Variants in ZFHX4 observed in about 807,000 individuals in gnomAD.
ZFHX4 encodes zinc finger homeobox protein 4.
In ZFHX4, 56 loss-of-function variants were observed where a neutral mutation model predicts 267.6. The observed-to-expected ratio is 0.21, with a 90% CI of 0.17 to 0.26. The LOEUF is 0.26. Among genes scored for constraint, ZFHX4 ranks in the 10% least tolerant of loss-of-function variants. The probability of loss-of-function intolerance (pLI) is 1.00; values close to 1 mark genes in which losing one functional copy is unlikely to be tolerated. For missense variants in ZFHX4, 4,332 were observed against 4,420.0 expected (o/e 0.98, Z 0.56); for synonymous variants, 1,778 against 1,665.6 (o/e 1.07, Z -1.64).
intron 3 of ZFHX4, among the ~76,000 whole-genome samples, chr8:76,709,050 T>C (rs1808353572): frequency 6.6e-6 from 1 of 152,212 alleles, no homozygotes; most frequent in Non-Finnish European, 1.5e-5. Context: ...TTAACTATAC[T>C]ATCAGGAGTC....
At chr8:76,785,089 G>GT in intron 4 of ZFHX4, among the ~76,000 whole-genome samples, 1 of 152,138 alleles carries the variant, frequency 6.6e-6, no homozygotes, top group South Asian at 2.1e-4. Context: ...GACTAAAAGA[G>GT]TTTTTAATCA....
chr8:76,786,803 C>T (rs1041240397), intron 4 of ZFHX4, among the ~76,000 whole-genome samples: 1 of 152,078 alleles, frequency 6.6e-6, no homozygotes, highest in African/African-American at 2.4e-5. Context: ...AACCAGAAGC[C>T]CCTTGGCAAG....
intron 3 of ZFHX4, among the ~76,000 whole-genome samples, chr8:76,719,023 T>G (rs550100840): frequency 6.6e-6 from 1 of 151,722 alleles, no homozygotes; most frequent in South Asian, 2.1e-4. Context: ...AGAACATGGA[T>G]CTATTCCGAT....
chr8:76,849,874 C>T, intron 8 of ZFHX4, 162 bp downstream of exon 8: 1 of 766,664 alleles, frequency 1.3e-6, no homozygotes, highest in East Asian at 2.7e-5. Flanking sequence ...CATTTGTGAC[C>T]TCTTTTGCTT....
Position 76,815,372 on chromosome 8 carries a change from G to A in ZFHX4, c.3326-17966G>A, listed in dbSNP as rs570974527. 2.5e-3 allele frequency among the ~76,000 whole-genome samples: 387 copies of A among 152,264 alleles called. 1 individual carries two copies. Among genetic ancestry groups the A allele is most frequent in the Middle Eastern group, 0.017 (5 of 294 alleles). On this transcript the variant is annotated intron_variant, in intron 4 of 10. Transcript: ENST00000651372. ...TGTTTCTTATAGTTCTGCAGGCTGG[G>A]AAGTCCAAGATCAAGGTGCCAGCCA... is the stretch of plus-strand genomic sequence containing the variant.
At position 76,854,426 on chromosome 8, in the gene ZFHX4, T is replaced by A; in HGVS notation, c.7505T>A (p.Phe2502Tyr). ...QYQCDQCTVA[F>Y]PTLELWQEHQ... ...CAATGTGATCAGTGTACAGTTGCCT[T>A]CCCAACTCTGGAACTCTGGCAGGAA... The change falls in exon 10 of 11, where the codon TTC (phenylalanine) becomes TAC (tyrosine). Residue 2502 changes from phenylalanine (F) to tyrosine (Y), a missense_variant. Transcript: ENST00000651372. 1 of 1,613,952 alleles carries A rather than the reference T, an allele frequency of 6.2e-7. No individual in the cohort carries two copies. The highest frequency in any genetic ancestry group is 8.5e-7 in the Non-Finnish European group (1 of 1,179,878).
In ZFHX4 at chr8:76,855,926, C is replaced by T. The variant is rs776700038; in HGVS notation, c.9005C>T (p.Thr3002Met). Reference protein sequence around the residue: ...GKPFMINQGGTEGTKPECTLC... With the variant: ...GKPFMINQGGMEGTKPECTLC... Reference sequence around the variant, plus strand: ...CCTTTCATGATCAATCAAGGCGGAACGGAAGGCACCAAACCAGAGTGTACC... The same window carrying T: ...CCTTTCATGATCAATCAAGGCGGAATGGAAGGCACCAAACCAGAGTGTACC... The change falls in exon 10 of 11, where the codon ACG (threonine) becomes ATG (methionine). Residue 3002 changes from threonine (T) to methionine (M), a missense_variant. Thr to Met is a moderately conservative substitution (Grantham distance 81). This residue lies in a region of ZFHX4 where 1,648 missense variants were observed against 1,625.0 expected (regional missense o/e 1.01). Coordinates refer to ENST00000651372, the MANE Select transcript of ZFHX4 (RefSeq NM_024721.5). 7 of 1,613,720 alleles carry T rather than the reference C, an allele frequency of 4.3e-6. No individual in the cohort carries two copies. Among genetic ancestry groups the T allele is most frequent in the Non-Finnish European group, 5.9e-6 (7 of 1,179,856 alleles).
At chr8:76,809,756 G>A (rs965670608) in intron 4 of ZFHX4, among the ~76,000 whole-genome samples, 5 of 152,038 alleles carry the variant, frequency 3.3e-5, no homozygotes, top group Admixed American at 2.0e-4. Context: ...TGCTCTTTTG[G>A]ATTGGGAAGG....
In ZFHX4 at chr8:76,854,346, G is replaced by A. The variant is rs764326759; in HGVS notation, c.7425G>A (p.Leu2475=). Residue 2475 remains leucine, a synonymous_variant, in exon 10 of 11, where the codon CTG becomes CTA. Coordinates refer to ENST00000651372, the MANE Select transcript of ZFHX4 (RefSeq NM_024721.5). Reference sequence around the variant, plus strand: ...AAACACCGGTCCCTTCCAGTCCACTGCAAATTTCCATGACGTCTCTCCAGA... The same window carrying A: ...AAACACCGGTCCCTTCCAGTCCACTACAAATTTCCATGACGTCTCTCCAGA... The part of the protein sequence containing the change: ...ASQTPVPSSP[L]QISMTSLQNS... 7.4e-6 allele frequency: 12 copies of A among 1,613,834 alleles called. No individual in the cohort carries two copies. The highest frequency in any genetic ancestry group is 4.4e-5 in the South Asian group (4 of 91,070).
chr8:76,747,710 T>C (rs972871906), intron 3 of ZFHX4, among the ~76,000 whole-genome samples: 2 of 152,132 alleles, frequency 1.3e-5, no homozygotes, highest in East Asian at 1.9e-4. Context: ...GGCAGGCGGA[T>C]CACCTGAGGT....
chr8:76,849,715 A>G lies in ZFHX4; in HGVS notation c.3846+3A>G, dbSNP rs1252385463. On this transcript the variant is annotated splice_donor_region_variant and intron_variant, in intron 8 of 10. Transcript: ENST00000651372. ...GTGTGGAGAAGCTGCTTATGACAGTAAGGATACCAAATATTGATGCATGTG... is the reference window on the plus strand; with the variant it reads ...GTGTGGAGAAGCTGCTTATGACAGTGAGGATACCAAATATTGATGCATGTG... 2 of 1,611,494 alleles carry G rather than the reference A, an allele frequency of 1.2e-6. No individual in the cohort carries two copies.
intron 1 of ZFHX4, among the ~76,000 whole-genome samples, chr8:76,681,998 T>G (rs540676069): frequency 6.6e-6 from 1 of 152,130 alleles, no homozygotes; most frequent in African/African-American, 2.4e-5. Flanking sequence ...TTGGGCAGTT[T>G]TCTCTCCTTT....
Position 76,753,019 on chromosome 8 carries a change from T to A in ZFHX4, c.3094-25189T>A, listed in dbSNP as rs910309811. On this transcript the variant is annotated intron_variant, in intron 3 of 10. Transcript: ENST00000651372. The stretch of plus-strand genomic sequence containing the variant: ...GTACCAGTGCATGCCAATGCATATG[T>A]TCATATATGTGCATTCTTTGTAGAG... Among the ~76,000 whole-genome samples the A allele has an allele frequency of 7.9e-5, 12 of 152,352 alleles. No individual in the cohort carries two copies. In the East Asian group the frequency reaches 1.9e-3, roughly 25 times the overall value.
chr8:76,723,631 C>A (rs1808780535), intron 3 of ZFHX4, among the ~76,000 whole-genome samples: 1 of 151,216 alleles, frequency 6.6e-6, no homozygotes, highest in African/African-American at 2.4e-5. Context: ...AGACTCTATG[C>A]TAGGAAATAA....
intron 3 of ZFHX4, among the ~76,000 whole-genome samples, chr8:76,710,701 A>G (rs1182938367): frequency 6.6e-6 from 1 of 152,196 alleles, no homozygotes; most frequent in Non-Finnish European, 1.5e-5. Flanking sequence ...TTGTCTTGTT[A>G]TTGACAACAT....
intron 4 of ZFHX4, among the ~76,000 whole-genome samples, chr8:76,812,281 G>T (rs1410125548): frequency 6.6e-6 from 1 of 152,132 alleles, no homozygotes; most frequent in African/African-American, 2.4e-5. Flanking sequence ...CATTTATCAA[G>T]AATTTTAAAT....
rs1019540467 is a variant in ZFHX4 at position 76,864,757 on chromosome 8, T to C, written c.*192T>C. ...ATGTAATGGACAGAACTGATGCAGA[T>C]GGTTGAATGCGCTTGTACTATATGC... is the stretch of plus-strand genomic sequence containing the variant. On this transcript the variant is annotated 3_prime_UTR_variant, in exon 11 of 11. Coordinates refer to ENST00000651372, the MANE Select transcript of ZFHX4 (RefSeq NM_024721.5). 4.6e-6 allele frequency: 2 copies of C among 437,756 alleles called. No homozygotes were observed. Among genetic ancestry groups the C allele is most frequent in the South Asian group, 6.4e-5 (1 of 15,600 alleles). The allele number at this position is 437,756 out of a possible 1,614,324, so 27.1% of individuals were successfully genotyped here.
At chr8:76,829,553 G>A (rs1937177738) in intron 4 of ZFHX4, among the ~76,000 whole-genome samples, 1 of 152,082 alleles carries the variant, frequency 6.6e-6, no homozygotes, top group African/African-American at 2.4e-5. Context: ...GTTCAAGCCT[G>A]TAATTCCAGC....
chr8:76,754,230 G>A (rs756803869), intron 3 of ZFHX4, among the ~76,000 whole-genome samples: 1 of 152,144 alleles, frequency 6.6e-6, no homozygotes, highest in Non-Finnish European at 1.5e-5. Context: ...GCTCATGCCT[G>A]TAATCTCAGC....
Sources: gnomAD v4.1 joint callset for allele counts (sites outside exome capture counted in the v4.1 genomes callset) on GRCh38, gnomAD v4.1.1 for gene constraint, gnomAD v4.1.1 regional missense constraint, MANE v1.5 for transcripts, NCBI Gene and HGNC (gene_info 2026-07-23, HGNC 2026-07-21) for gene names.